LARS2: variants seen among roughly 807,000 people sequenced by gnomAD.
LARS2 encodes the protein leucyl-tRNA synthetase 2, mitochondrial.
A neutral mutation model predicts 116.6 loss-of-function variants in LARS2; 81 were observed. The observed-to-expected ratio is 0.69, with a 90% CI of 0.58 to 0.84. The LOEUF is 0.84. Ranked by LOEUF, LARS2 falls within the 40% of genes least tolerant of loss-of-function variation. LARS2 has a pLI of 0.00. For synonymous variants in LARS2, 396 were observed against 407.2 expected (o/e 0.97, Z 0.33); for missense variants, 968 against 1,114.5 (o/e 0.87, Z 1.87).
chr3:45,458,184 A>C (rs1006333937), intron 7 of LARS2, among the ~76,000 whole-genome samples: 1 of 152,060 alleles, frequency 6.6e-6, no homozygotes, highest in Admixed American at 6.5e-5. Flanking sequence ...CTATAAGTTC[A>C]TCCTTTCATA....
chr3:45,509,032 C>T (rs1247932381), intron 15 of LARS2, among the ~76,000 whole-genome samples: 1 of 152,044 alleles, frequency 6.6e-6, no homozygotes. Flanking sequence ...CAGTTTTCAT[C>T]ACTGTGCTTA....
At chr3:45,516,770 G>A (rs1311002214) in intron 17 of LARS2, among the ~76,000 whole-genome samples, 1 of 152,180 alleles carries the variant, frequency 6.6e-6, no homozygotes, top group African/African-American at 2.4e-5. Flanking sequence ...CCCGGGAGGG[G>A]TCTGGGCCTG....
intron 20 of LARS2, among the ~76,000 whole-genome samples, chr3:45,535,761 CA>C (rs1355525025): frequency 1.6e-4 from 6 of 36,422 alleles, no homozygotes; most frequent in African/African-American, 2.9e-4. Context: ...CACACACACA[CA>C]CACACCCCCA....
chr3:45,419,805 T>A, intron 6 of LARS2, 76 bp downstream of exon 6: 1 of 1,224,644 alleles, frequency 8.2e-7, no homozygotes, highest in Non-Finnish European at 1.2e-6. Context: ...TTCTTCCTCT[T>A]TGAGTTGGGA....
intron 8 of LARS2, among the ~76,000 whole-genome samples, chr3:45,469,659 A>G (rs927428604): frequency 2.6e-5 from 4 of 151,948 alleles, no homozygotes; most frequent in Non-Finnish European, 4.4e-5. Flanking sequence ...TTTTTAATGT[A>G]TAAATCTTCA....
intron 3 of LARS2, among the ~76,000 whole-genome samples, chr3:45,397,616 A>G (rs1233844145): frequency 6.6e-6 from 1 of 152,212 alleles, no homozygotes; most frequent in Non-Finnish European, 1.5e-5. Flanking sequence ...AATAAAAATA[A>G]TTTTATGTAA....
At chr3:45,542,616 C>T (rs559429989) in intron 21 of LARS2, among the ~76,000 whole-genome samples, 18 of 152,250 alleles carry the variant, frequency 1.2e-4, no homozygotes, top group African/African-American at 3.9e-4. Flanking sequence ...CATGTCTCCC[C>T]GGAACCACAC....
chr3:45,406,432 C>T (rs995624359), intron 4 of LARS2, among the ~76,000 whole-genome samples: 1 of 152,180 alleles, frequency 6.6e-6, no homozygotes, highest in Non-Finnish European at 1.5e-5. Context: ...GGATGCTCCA[C>T]AGAGCCAAAT....
chr3:45,456,632 T>C (rs1207184152), intron 7 of LARS2, among the ~76,000 whole-genome samples: 1 of 152,126 alleles, frequency 6.6e-6, no homozygotes, highest in Non-Finnish European at 1.5e-5. Flanking sequence ...AACCCCCTAA[T>C]ACAGGCAGGG....
intron 4 of LARS2, among the ~76,000 whole-genome samples, chr3:45,400,584 G>A (rs1698129872): frequency 1.3e-5 from 2 of 152,188 alleles, no homozygotes; most frequent in South Asian, 4.1e-4. Context: ...CCATGAGTTG[G>A]GTGTTGTGCT....
intron 20 of LARS2, among the ~76,000 whole-genome samples, chr3:45,538,821 C>T (rs184129897): frequency 2.4e-4 from 36 of 152,274 alleles, no homozygotes; most frequent in Admixed American, 9.8e-4. Context: ...TCAGAGCGGT[C>T]GGTGGAACTC....
chr3:45,444,004 CT>C (rs11409535), intron 6 of LARS2, among the ~76,000 whole-genome samples: 30 of 133,214 alleles, frequency 2.3e-4, no homozygotes, highest in African/African-American at 3.3e-4. Flanking sequence ...GATCTATCCT[CT>C]TTTTTTTTTT....
At chr3:45,525,652 T>G (rs2125760142) in intron 20 of LARS2, among the ~76,000 whole-genome samples, 1 of 152,322 alleles carries the variant, frequency 6.6e-6, no homozygotes, top group South Asian at 2.1e-4. Flanking sequence ...TGAGTACAAG[T>G]GTATTTCATT....
intron 15 of LARS2, among the ~76,000 whole-genome samples, chr3:45,503,490 A>G (rs565283267): frequency 7.2e-5 from 11 of 152,066 alleles, no homozygotes; most frequent in Non-Finnish European, 1.3e-4. Flanking sequence ...CAGGGGTTCT[A>G]TAGCTATGCC....
rs35964512 is a variant in LARS2, at chr3:45,430,583, CTTT to C, written c.516+10871_516+10873del. ...GCGTGAGCCACTGCGCCCGGCCAATCTTTTTTTTTTTTTTTTTTTGAGTCAGAG... is the reference window on the plus strand; with the variant it reads ...GCGTGAGCCACTGCGCCCGGCCAATCTTTTTTTTTTTTTTTTGAGTCAGAG... On this transcript the variant is annotated intron_variant, in intron 6 of 21. Coordinates refer to ENST00000645846, the MANE Select transcript of LARS2 (RefSeq NM_015340.4). 1.6e-3 allele frequency among the ~76,000 whole-genome samples: 148 copies of C among 90,378 alleles called. 1 individual carries two copies. The highest frequency in any genetic ancestry group is 3.3e-3 in the Admixed American group (27 of 8,252). The allele number at this position is 90,378 out of a possible 152,430, so 59.3% of individuals were successfully genotyped here. A position where few individuals can be genotyped will look rare whatever the true frequency, so the allele number is the denominator to read the frequency against.
chr3:45,487,444 T>A (rs557422428), intron 11 of LARS2, among the ~76,000 whole-genome samples: 1 of 152,220 alleles, frequency 6.6e-6, no homozygotes, highest in Non-Finnish European at 1.5e-5. Flanking sequence ...AACCACTGTT[T>A]TAGGGCATTG....
At chr3:45,485,829 A>G (rs1320205940) in intron 11 of LARS2, 33 bp downstream of exon 11, 2 of 1,370,936 alleles carry the variant, frequency 1.5e-6, no homozygotes, top group African/African-American at 2.8e-5. Flanking sequence ...CCACAACGGT[A>G]TATTTTGCAG....
At chr3:45,437,336 A>G (rs986807305) in intron 6 of LARS2, among the ~76,000 whole-genome samples, 4 of 152,240 alleles carry the variant, frequency 2.6e-5, no homozygotes, top group African/African-American at 9.6e-5. Context: ...AACATATTGC[A>G]TAAAAATGAG....
intron 8 of LARS2, among the ~76,000 whole-genome samples, chr3:45,467,021 A>G (rs1699436558): frequency 6.6e-6 from 1 of 152,232 alleles, no homozygotes; most frequent in Non-Finnish European, 1.5e-5. Context: ...GGAAGGCAGC[A>G]CATTAGCGAT....
Sources: allele counts gnomAD v4.1 joint callset (sites outside exome capture counted in the v4.1 genomes callset), GRCh38; gene constraint gnomAD v4.1.1; transcripts MANE v1.5; gene names NCBI Gene and HGNC (gene_info 2026-07-23, HGNC 2026-07-21).